The following IL27RA variants were observed in gnomAD, a reference collection of about 807,000 sequenced individuals.
The protein encoded by IL27RA is interleukin 27 receptor subunit alpha, also known as interleukin-27 receptor subunit alpha.
IL27RA carries 61 observed loss-of-function variants against 80.8 expected under a neutral mutation model. That is an observed-to-expected ratio of 0.76 (90% CI 0.61 to 0.93). The LOEUF (loss-of-function observed/expected upper bound fraction) is 0.93, where lower values mean the gene tolerates loss of function less well. IL27RA is among the 40% of genes least tolerant of loss of function. The pLI is 0.00. For missense variants in IL27RA, 735 were observed against 808.1 expected (o/e 0.91, Z 1.10); for synonymous variants, 316 against 332.5 (o/e 0.95, Z 0.54).
intron 2 of IL27RA, among the ~76,000 whole-genome samples, chr19:14,035,315 C>T (rs1975881998): frequency 6.6e-6 from 1 of 151,332 alleles, no homozygotes; most frequent in Non-Finnish European, 1.5e-5. Context: ...CGATCTTAAC[C>T]ATTTTTAAGT....
chr19:14,041,983 G>C (rs1464118202), intron 4 of IL27RA, among the ~76,000 whole-genome samples: 1 of 151,986 alleles, frequency 6.6e-6, no homozygotes, highest in Non-Finnish European at 1.5e-5. Flanking sequence ...GGCGGATCAC[G>C]AGGTCAGGAG....
intron 2 of IL27RA, among the ~76,000 whole-genome samples, chr19:14,038,660 G>A (rs1002145265): frequency 2.6e-5 from 4 of 151,840 alleles, no homozygotes; most frequent in African/African-American, 7.2e-5. Context: ...CGAGACAGGC[G>A]GATCACCTGA....
intron 4 of IL27RA, among the ~76,000 whole-genome samples, chr19:14,040,924 T>TAC (rs1975981204): frequency 6.7e-6 from 1 of 148,300 alleles, no homozygotes; most frequent in African/African-American, 2.5e-5. Flanking sequence ...TTTTTTGAGA[T>TAC]GGCGTTTTGC....
At chr19:14,034,680 G>A (rs920149139) in intron 2 of IL27RA, among the ~76,000 whole-genome samples, 4 of 141,568 alleles carry the variant, frequency 2.8e-5, no homozygotes, top group Non-Finnish European at 4.6e-5. Context: ...AAGGCCGGGC[G>A]CGGTGGCTCA....
chr19:14,042,363 A>G, intron 4 of IL27RA, 90 bp from the exon 5 acceptor site: 1 of 1,419,918 alleles, frequency 7.0e-7, no homozygotes. Context: ...GACTGTCTCA[A>G]AACGAAAAAC....
chr19:14,036,565 T>G (rs1359815260), intron 2 of IL27RA, among the ~76,000 whole-genome samples: 1 of 150,100 alleles, frequency 6.7e-6, no homozygotes, highest in Non-Finnish European at 1.5e-5. Context: ...CTCAGCTCAC[T>G]GCAACCTCTG....
chr19:14,046,032 C>T (rs200986353), intron 6 of IL27RA, 122 bp from the exon 7 acceptor site: 18 of 568,012 alleles, frequency 3.2e-5, no homozygotes, highest in Admixed American at 1.2e-4. Flanking sequence ...TCTCAAAAAA[C>T]AAACAAACAA....
At chr19:14,039,465 C>A (rs749159325) in intron 2 of IL27RA, 43 bp from the exon 3 acceptor site, 2 of 1,576,872 alleles carry the variant, frequency 1.3e-6, no homozygotes, top group Admixed American at 3.5e-5. Flanking sequence ...GTGGCCCTGG[C>A]TCTAGCCGAG....
rs1326653794 is a variant in IL27RA, at chr19:14,047,386, GCT to G, written c.1141+771_1141+772del. ...TTTTTTTTTTTTGAGATGGAGGCTG[GCT>G]CTGTCACCCAGGCTGGAGTGCAATG... On this transcript the variant is annotated intron_variant, in intron 8 of 13. Transcript: ENST00000263379. Among the ~76,000 whole-genome samples the G allele has an allele frequency of 3.4e-5, 5 of 148,066 alleles. No homozygotes were observed. In the Admixed American group the frequency reaches 3.4e-4, roughly 10 times the overall value.
chr19:14,031,832 C>G lies in IL27RA; in HGVS notation c.-41C>G. The G allele has an allele frequency of 1.3e-6, 2 of 1,516,594 alleles. No homozygotes were observed. Among genetic ancestry groups the G allele is most frequent in the East Asian group, 4.8e-5 (2 of 41,496 alleles). The allele number at this position is 1,516,594 out of a possible 1,614,324, so 93.9% of individuals were successfully genotyped here. On this transcript the variant is annotated 5_prime_UTR_variant, in exon 1 of 14. Coordinates refer to ENST00000263379, the MANE Select transcript of IL27RA (RefSeq NM_004843.4). ...AGAGGAGCAGCGCGGCCGCGCGGAC[C>G]CGGCAAGGCTGGGCCGGACTCGGGG...
intron 6 of IL27RA, 116 bp downstream of exon 6, chr19:14,042,905 G>A: frequency 1.1e-6 from 1 of 922,802 alleles, no homozygotes; most frequent in Non-Finnish European, 1.7e-6. Flanking sequence ...GCTGTGGGAG[G>A]CCGAGGAGGG....
intron 2 of IL27RA, among the ~76,000 whole-genome samples, chr19:14,033,283 G>C (rs905781213): frequency 1.3e-5 from 2 of 151,044 alleles, no homozygotes; most frequent in African/African-American, 4.8e-5. Context: ...TTTTAGTAGA[G>C]GGGGGAGGTT....
intron 2 of IL27RA, among the ~76,000 whole-genome samples, chr19:14,033,093 C>CT (rs1010935225): frequency 0.11 from 13,084 of 117,186 alleles, 2,641 homozygotes; most frequent in African/African-American, 0.4. Flanking sequence ...GAGCCCGTCA[C>CT]TTTTTTTTTT....
Position 14,051,921 on chromosome 19 carries a change from G to C in IL27RA, c.1664G>C (p.Trp555Ser). 2 of 1,588,976 alleles carry C rather than the reference G, an allele frequency of 1.3e-6. No individual in the cohort carries two copies. Among genetic ancestry groups the C allele is most frequent in the Non-Finnish European group, 8.6e-7 (1 of 1,166,736 alleles). Residue 555 changes from tryptophan (W) to serine (S), a missense_variant, in exon 13 of 14, where the codon TGG (tryptophan) becomes TCG (serine). By Grantham distance (177) the Trp-to-Ser change is radical. Coordinates refer to ENST00000263379, the MANE Select transcript of IL27RA (RefSeq NM_004843.4). ...CACAAAGTGCTGCCCCGCTGGGTCT[G>C]GGAGAAAGTTCCTGATCCTGCCAAC... ...LRHKVLPRWV[W>S]EKVPDPANSS... is the part of the protein sequence containing the mutation.
chr19:14,036,489 C>CTT (rs34609073), intron 2 of IL27RA, among the ~76,000 whole-genome samples: 1,589 of 135,348 alleles, frequency 0.012, 37 homozygotes, highest in African/African-American at 0.038. Context: ...ACAGGATTTC[C>CTT]TTTTTTTTTT....
chr19:14,034,535 C>T (rs1403198509), intron 2 of IL27RA, among the ~76,000 whole-genome samples: 1 of 151,904 alleles, frequency 6.6e-6, no homozygotes, highest in Non-Finnish European at 1.5e-5. Context: ...TGGCACATGC[C>T]TGTAGCCCCA....
rs141190756 is a variant in IL27RA, at chr19:14,049,081, A to T, written c.1242A>T (p.Leu414Phe). 4 of 1,613,060 alleles carry T rather than the reference A, an allele frequency of 2.5e-6. No individual in the cohort carries two copies. The African/African-American group carries it at 4.0e-5, about 16-fold the overall frequency. The change falls in exon 9 of 14, where the codon TTA becomes TTT. Residue 414 changes from leucine (L) to phenylalanine (F), a missense_variant and splice_region_variant. Physicochemically the swap from Leu to Phe is conservative, Grantham distance 22. Coordinates refer to ENST00000263379, the MANE Select transcript of IL27RA (RefSeq NM_004843.4). The part of the protein sequence containing the change: ...ASSVWGFREE[L>F]APLVGPTLWR... ...CCGTCTGGGGGTTCAGGGAGGAATT[A>T]GGTAAGAGTGGGGCTGGAGGATGGG... is the stretch of plus-strand genomic sequence containing the variant.
At chr19:14,040,055 T>G (rs1975967805) in intron 4 of IL27RA, 145 bp downstream of exon 4, 2 of 785,068 alleles carry the variant, frequency 2.5e-6, no homozygotes, top group Admixed American at 2.6e-5. Context: ...CATGTGCCTC[T>G]TGTTCAGCTA....
At position 14,042,617 on chromosome 19, in the gene IL27RA, G is replaced by T; in HGVS notation, c.694+5G>T. 1 of 1,614,098 alleles carries T rather than the reference G, an allele frequency of 6.2e-7. No individual in the cohort carries two copies. Reference sequence around the variant, plus strand: ...CCTTCCAGACACCGCCTTCTGGTGAGGATATCTGGGCTTGCCCTCAATCCA... The same window carrying T: ...CCTTCCAGACACCGCCTTCTGGTGATGATATCTGGGCTTGCCCTCAATCCA... On this transcript the variant is annotated splice_donor_5th_base_variant and intron_variant, in intron 5 of 13. Coordinates refer to ENST00000263379, the MANE Select transcript of IL27RA (RefSeq NM_004843.4).
Sources: gnomAD v4.1 joint callset for allele counts (sites outside exome capture counted in the v4.1 genomes callset) on GRCh38, gnomAD v4.1.1 for gene constraint, MANE v1.5 for transcripts, NCBI Gene and HGNC (gene_info 2026-07-23, HGNC 2026-07-21) for gene names.